Variants in CPED1 observed in about 807,000 individuals in gnomAD.
The protein encoded by CPED1 is cadherin-like and PC-esterase domain-containing protein 1.
In CPED1, 114 loss-of-function variants were observed where a neutral mutation model predicts 128.2. That is an observed-to-expected ratio of 0.89 (90% CI 0.76 to 1.04). The LOEUF (loss-of-function observed/expected upper bound fraction) is 1.04. Among genes scored for constraint, CPED1 ranks in the 50% least tolerant of loss-of-function variants. CPED1 has a pLI of 0.00. For synonymous variants in CPED1, 462 were observed against 426.7 expected, an observed-to-expected ratio of 1.08 and a Z score of -1.02; for missense variants, 1,211 against 1,207.1, an observed-to-expected ratio of 1.00 and a Z score of -0.05.
intron 16 of CPED1, among the ~76,000 whole-genome samples, chr7:121,195,690 G>T (rs1329969578): frequency 5.3e-5 from 8 of 152,164 alleles, no homozygotes; most frequent in Admixed American, 5.2e-4. Context: ...TAAGAAATAT[G>T]AAGGACTTCC....
chr7:121,005,428 T>C (rs1398836771), intron 2 of CPED1, among the ~76,000 whole-genome samples: 1 of 152,124 alleles, frequency 6.6e-6, no homozygotes, highest in African/African-American at 2.4e-5. Flanking sequence ...TTTATAATCC[T>C]TTGGGTATAT....
intron 3 of CPED1, among the ~76,000 whole-genome samples, chr7:121,020,809 C>T (rs1562994506): frequency 1.3e-5 from 2 of 151,870 alleles, no homozygotes; most frequent in Non-Finnish European, 1.5e-5. Flanking sequence ...TATGATTCAT[C>T]CCCCTAACTT....
intron 6 of CPED1, among the ~76,000 whole-genome samples, chr7:121,099,593 C>T (rs920398368): frequency 2.6e-5 from 4 of 152,196 alleles, no homozygotes; most frequent in African/African-American, 4.8e-5. Flanking sequence ...GTCTCCAACT[C>T]CTGAGCTCAT....
intron 2 of CPED1, among the ~76,000 whole-genome samples, chr7:120,990,966 G>A (rs2116724006): frequency 6.6e-6 from 1 of 152,296 alleles, no homozygotes; most frequent in East Asian, 1.9e-4. Context: ...TATGAACAAG[G>A]AGCCTGACAG....
chr7:121,060,731 G>A (rs1793638982), intron 4 of CPED1, among the ~76,000 whole-genome samples: 1 of 152,222 alleles, frequency 6.6e-6, no homozygotes, highest in African/African-American at 2.4e-5. Context: ...CAGGATGTGG[G>A]TGGGGCCAGA....
At chr7:121,133,590 C>CT (rs1444603324) in intron 12 of CPED1, among the ~76,000 whole-genome samples, 1 of 151,980 alleles carries the variant, frequency 6.6e-6, no homozygotes, top group Non-Finnish European at 1.5e-5. Context: ...CTGAGAGGGA[C>CT]TTTTTACCCT....
chr7:121,161,936 A>G (rs1796421113), intron 16 of CPED1, among the ~76,000 whole-genome samples: 1 of 152,242 alleles, frequency 6.6e-6, no homozygotes, highest in South Asian at 2.1e-4. Context: ...GAGATTCTTC[A>G]ATTAAAACTA....
rs559621602 is a variant in CPED1 at position 121,142,571 on chromosome 7, A to G, written c.2055+430A>G. ...AGCTATTTTACAAGACGGATACTGG[A>G]TAAATGAAACTAAATTTGCTTGGGA... On this transcript the variant is annotated intron_variant, in intron 16 of 22. Transcript: ENST00000310396. Among the ~76,000 whole-genome samples the G allele has an allele frequency of 1.3e-3, 201 of 152,160 alleles. 2 individuals carry two copies. In the South Asian group the frequency reaches 0.04, roughly 30 times the overall value.
intron 2 of CPED1, among the ~76,000 whole-genome samples, chr7:120,996,759 C>T (rs1796413753): frequency 6.6e-6 from 1 of 152,198 alleles, no homozygotes; most frequent in Non-Finnish European, 1.5e-5. Context: ...TAGCATCTAT[C>T]TTCACAATCT....
chr7:121,076,269 A>G (rs1449837396), intron 5 of CPED1, among the ~76,000 whole-genome samples: 1 of 152,214 alleles, frequency 6.6e-6, no homozygotes, highest in South Asian at 2.1e-4. Flanking sequence ...AATCAAAAAT[A>G]TAATTCCCCA....
At chr7:121,274,602 A>G (rs1792297401) in intron 22 of CPED1, among the ~76,000 whole-genome samples, 1 of 152,128 alleles carries the variant, frequency 6.6e-6, no homozygotes, top group Admixed American at 6.5e-5. Context: ...TGATATGATC[A>G]TCTTTCTCAA....
chr7:121,200,616 C>G (rs1055539074), intron 16 of CPED1, among the ~76,000 whole-genome samples: 1 of 152,016 alleles, frequency 6.6e-6, no homozygotes, highest in Non-Finnish European at 1.5e-5. Context: ...TTGGCTTACT[C>G]TACACTTGGC....
intron 16 of CPED1, among the ~76,000 whole-genome samples, chr7:121,223,371 G>A (rs990296471): frequency 5.3e-5 from 8 of 152,098 alleles, no homozygotes; most frequent in African/African-American, 1.2e-4. Context: ...GTATTTTATC[G>A]AGGATTTTCG....
intron 16 of CPED1, among the ~76,000 whole-genome samples, chr7:121,198,136 C>T (rs574907610): frequency 7.2e-5 from 11 of 152,038 alleles, no homozygotes; most frequent in South Asian, 4.2e-4. Flanking sequence ...AGTTATTACG[C>T]GAAAGACAAG....
chr7:121,249,011 C>T (rs554193332), intron 18 of CPED1, among the ~76,000 whole-genome samples: 52 of 152,200 alleles, frequency 3.4e-4, no homozygotes, highest in African/African-American at 1.2e-3. Flanking sequence ...TGAAAAAATT[C>T]ACTGTAAGAA....
rs1189607588 is a variant in CPED1, at chr7:121,126,003, T to C, written c.1134+111T>C. The C allele has an allele frequency of 1.8e-5, 14 of 772,286 alleles. No individual in the cohort carries two copies. In the African/African-American group the frequency reaches 2.4e-4, roughly 13 times the overall value. The allele number at this position is 772,286 out of a possible 1,614,324, so 47.8% of individuals were successfully genotyped here. A position where few individuals can be genotyped will look rare whatever the true frequency, so the allele number is the denominator to read the frequency against. On this transcript the variant is annotated intron_variant, in intron 9 of 22. Transcript: ENST00000310396. The stretch of plus-strand genomic sequence containing the variant: ...AGTAACCAATCAATAAATAGCAATT[T>C]GCAAAAGTACTGTAGGCTTATATTC...
At chr7:121,072,902 T>A (rs1291547822) in intron 5 of CPED1, among the ~76,000 whole-genome samples, 1 of 152,218 alleles carries the variant, frequency 6.6e-6, no homozygotes, top group Non-Finnish European at 1.5e-5. Context: ...GAAGTCTACC[T>A]AATTGGCTAA....
chr7:121,104,527 A>G (rs1343595440), intron 7 of CPED1, among the ~76,000 whole-genome samples: 1 of 152,154 alleles, frequency 6.6e-6, no homozygotes, highest in Admixed American at 6.6e-5. Context: ...ACTTCTGACC[A>G]TATTTGACTA....
chr7:121,262,073 T>C (rs1792031154), intron 18 of CPED1, among the ~76,000 whole-genome samples: 1 of 151,916 alleles, frequency 6.6e-6, no homozygotes, highest in Admixed American at 6.6e-5. Flanking sequence ...TCACAGTAAT[T>C]AATGAGTTCT....
Sources: allele counts gnomAD v4.1 joint callset (sites outside exome capture counted in the v4.1 genomes callset), GRCh38; gene constraint gnomAD v4.1.1; transcripts MANE v1.5; gene names NCBI Gene and HGNC (gene_info 2026-07-23, HGNC 2026-07-21).